Variants in SEC11A observed in about 807,000 individuals in gnomAD.
The protein encoded by SEC11A is signal peptidase complex catalytic subunit SEC11A.
A neutral mutation model predicts 25.6 loss-of-function variants in SEC11A; 14 were observed. That is an observed-to-expected ratio of 0.55 (90% CI 0.36 to 0.85). The LOEUF (loss-of-function observed/expected upper bound fraction) is 0.85, where lower values mean the gene tolerates loss of function less well. SEC11A is among the 40% of genes least tolerant of loss of function. The probability of loss-of-function intolerance (pLI) is 0.01; values close to 1 mark genes in which losing one functional copy is unlikely to be tolerated. For synonymous variants in SEC11A, 83 were observed against 76.4 expected, an observed-to-expected ratio of 1.09 and a Z score of -0.45; for missense variants, 153 against 222.9, an observed-to-expected ratio of 0.69 and a Z score of 2.00.
chr15:84,674,185 G>A (rs867926504), intron 4 of SEC11A, among the ~76,000 whole-genome samples: 3 of 151,300 alleles, frequency 2.0e-5, no homozygotes, highest in Middle Eastern at 3.4e-3. Flanking sequence ...AGCTCTAAGA[G>A]GATGGATAGA....
intron 1 of SEC11A, among the ~76,000 whole-genome samples, chr15:84,696,418 G>A (rs1897768759): frequency 6.6e-6 from 1 of 152,190 alleles, no homozygotes; most frequent in African/African-American, 2.4e-5. Flanking sequence ...GATAAACAGT[G>A]AGGAATTCAG....
chr15:84,679,158 T>C, intron 4 of SEC11A: 1 of 541,498 alleles, frequency 1.8e-6, no homozygotes, highest in Non-Finnish European at 2.9e-6. Context: ...TGTTTCTACA[T>C]GAATCTGTAC....
chr15:84,714,015 CTTCT>C (rs1898374946), intron 1 of SEC11A, among the ~76,000 whole-genome samples: 1 of 104,460 alleles, frequency 9.6e-6, no homozygotes, highest in African/African-American at 3.9e-5. Flanking sequence ...TGCCATATAC[CTTCT>C]TTTTTTTTTT....
chr15:84,696,596 T>C (rs1251631831), intron 1 of SEC11A, among the ~76,000 whole-genome samples: 1 of 152,140 alleles, frequency 6.6e-6, no homozygotes, highest in Non-Finnish European at 1.5e-5. Context: ...GTCAGATGTG[T>C]TCCAGGATTC....
At chr15:84,715,893 A>C in intron 1 of SEC11A, 132 bp downstream of exon 1, 1 of 835,130 alleles carries the variant, frequency 1.2e-6, no homozygotes, top group Non-Finnish European at 2.0e-6. Flanking sequence ...ACAGTCTCCA[A>C]AGAAAGCGAA....
Position 84,711,365 on chromosome 15 carries a change from G to A in SEC11A, c.51+4660C>T, listed in dbSNP as rs184045974. The stretch of plus-strand genomic sequence containing the variant: ...CCGCTGTACTCCAGCCTGGTCAACA[G>A]AGTGAGACCCTGTCTCAAAACAAAC... On this transcript the variant is annotated intron_variant, in intron 1 of 5. Transcript: ENST00000268220. 5.3e-5 allele frequency among the ~76,000 whole-genome samples: 8 copies of A among 151,792 alleles called. No individual in the cohort carries two copies. The East Asian group carries it at 1.4e-3, about 26-fold the overall frequency.
rs1225169489 is a variant in SEC11A at position 84,682,889 on chromosome 15, G to A, written c.312-2057C>T. Among the ~76,000 whole-genome samples, 5 of 152,208 alleles carry A rather than the reference G, an allele frequency of 3.3e-5. No homozygotes were observed. In the East Asian group the frequency reaches 7.7e-4, roughly 23 times the overall value. On this transcript the variant is annotated intron_variant, in intron 3 of 5. Transcript: ENST00000268220. Reference sequence around the variant, plus strand: ...GACTAGCTGAAAATTAATTCAAAGTGCATTTGGATTGACCACTGTAGTAGA... The same window carrying A: ...GACTAGCTGAAAATTAATTCAAAGTACATTTGGATTGACCACTGTAGTAGA...
chr15:84,675,151 T>TG (rs1897102855), intron 4 of SEC11A, among the ~76,000 whole-genome samples: 1 of 152,260 alleles, frequency 6.6e-6, no homozygotes, highest in Non-Finnish European at 1.5e-5. Flanking sequence ...AAAGCAGAGT[T>TG]GCTAATAAGC....
intron 1 of SEC11A, among the ~76,000 whole-genome samples, chr15:84,711,329 C>T (rs911929424): frequency 1.3e-5 from 2 of 151,768 alleles, no homozygotes; most frequent in Non-Finnish European, 2.9e-5. Context: ...TTGCAGGGAG[C>T]CAAGATCCTG....
intron 4 of SEC11A, among the ~76,000 whole-genome samples, chr15:84,677,622 G>A (rs192895134): frequency 9.9e-5 from 15 of 151,750 alleles, no homozygotes; most frequent in African/African-American, 3.4e-4. Flanking sequence ...ACAGGCACCC[G>A]CCACCACGCC....
intron 1 of SEC11A, among the ~76,000 whole-genome samples, chr15:84,698,455 C>G (rs1897828587): frequency 2.6e-5 from 4 of 152,110 alleles, no homozygotes; most frequent in Admixed American, 2.6e-4. Flanking sequence ...AAATCAGAAG[C>G]TAGATATTAC....
chr15:84,698,818 C>T (rs981387731), intron 1 of SEC11A, among the ~76,000 whole-genome samples: 1 of 152,058 alleles, frequency 6.6e-6, no homozygotes. Context: ...TTGGATATTT[C>T]AGATTTGGGA....
At chr15:84,681,578 C>T (rs939996302) in intron 3 of SEC11A, among the ~76,000 whole-genome samples, 6 of 151,948 alleles carry the variant, frequency 3.9e-5, no homozygotes, top group Admixed American at 2.0e-4. Context: ...TGCAGTGAGC[C>T]GAGATCACGC....
intron 4 of SEC11A, chr15:84,673,021 C>T (rs1348264980): frequency 1.5e-5 from 3 of 199,764 alleles, no homozygotes; most frequent in South Asian, 1.2e-4. Context: ...GGAGTCCCTC[C>T]GCCCGGCAGC....
At position 84,682,492 on chromosome 15, in the gene SEC11A, A is replaced by T. The variant is rs192186886; in HGVS notation, c.312-1660T>A. ...GAGACAGAGTCTCACACTGTCGCCC[A>T]GGCTGGAGTGCAATGGCATGATCTC... On this transcript the variant is annotated intron_variant, in intron 3 of 5. Coordinates refer to ENST00000268220, the MANE Select transcript of SEC11A (RefSeq NM_014300.4). Among the ~76,000 whole-genome samples, 210 of 152,290 alleles carry T rather than the reference A, an allele frequency of 1.4e-3. 1 individual carries two copies. Among genetic ancestry groups the T allele is most frequent in the African/African-American group, 4.9e-3 (203 of 41,556 alleles).
chr15:84,692,079 G>A (rs1168404482), intron 1 of SEC11A: 2 of 148,446 alleles, frequency 1.3e-5, no homozygotes, highest in African/African-American at 5.0e-5. Context: ...ACCCAGGCTG[G>A]AGTACAGTGG....
chr15:84,679,268 TTC>T lies in SEC11A; in HGVS notation c.431+1443_431+1444del, dbSNP rs756117135. ...AACTGAGGAAGATGGGGACTAGTAT[TTC>T]TCAGAAGCACTGATGACCTAATTTG... On this transcript the variant is annotated intron_variant, in intron 4 of 5. Coordinates refer to ENST00000268220, the MANE Select transcript of SEC11A (RefSeq NM_014300.4). 47 of 1,268,422 alleles carry T rather than the reference TTC, an allele frequency of 3.7e-5. No homozygotes were observed. In the South Asian group the frequency reaches 5.6e-4, roughly 15 times the overall value. 78.6% of individuals were successfully genotyped at this position (1,268,422 alleles called of 1,614,324 possible). A position where few individuals can be genotyped will look rare whatever the true frequency, so the allele number is the denominator to read the frequency against.
At chr15:84,698,622 A>C (rs899253179) in intron 1 of SEC11A, among the ~76,000 whole-genome samples, 3 of 152,258 alleles carry the variant, frequency 2.0e-5, no homozygotes, top group Admixed American at 1.3e-4. Context: ...AGTCTAAATA[A>C]GCATACCATC....
At chr15:84,679,875 C>G in intron 4 of SEC11A, 5 of 1,245,318 alleles carry the variant, frequency 4.0e-6, no homozygotes, top group Non-Finnish European at 5.6e-6. Flanking sequence ...ATTGTTAATA[C>G]TATTAATTAC....
Sources: allele counts gnomAD v4.1 joint callset (sites outside exome capture counted in the v4.1 genomes callset), GRCh38; gene constraint gnomAD v4.1.1; transcripts MANE v1.5; gene names NCBI Gene and HGNC (gene_info 2026-07-23, HGNC 2026-07-21).